Variants in NEK7 observed in about 807,000 individuals in gnomAD.
NEK7 encodes serine/threonine-protein kinase Nek7.
A neutral mutation model predicts 44.6 loss-of-function variants in NEK7; 18 were observed. The ratio of observed to expected loss-of-function variants is 0.40; its 90% CI spans 0.28 to 0.60. NEK7 has a LOEUF of 0.60. NEK7 is among the 20% of genes least tolerant of loss of function. The pLI is 0.38. For synonymous variants in NEK7, 130 were observed against 121.1 expected (o/e 1.07, Z -0.48); for missense variants, 256 against 366.5 (o/e 0.70, Z 2.46).
intron 1 of NEK7, among the ~76,000 whole-genome samples, chr1:198,167,547 G>A (rs1031207361): frequency 2.0e-5 from 3 of 152,036 alleles, no homozygotes; most frequent in African/African-American, 7.3e-5. Context: ...TCAACCAAAC[G>A]GTCCCTTGTT....
chr1:198,319,363 C>A, intron 9 of NEK7, 49 bp from the exon 10 acceptor site: 2 of 1,352,068 alleles, frequency 1.5e-6, no homozygotes, highest in South Asian at 1.3e-5. Flanking sequence ...AGTAAACTAA[C>A]CAAAAATAGT....
chr1:198,215,743 C>T (rs954620540), intron 1 of NEK7, among the ~76,000 whole-genome samples: 4 of 151,772 alleles, frequency 2.6e-5, no homozygotes, highest in South Asian at 2.1e-4. Context: ...AAACTAAAAG[C>T]GAGCAGGAAT....
intron 5 of NEK7, 61 bp downstream of exon 5, chr1:198,264,296 T>C (rs570418812): frequency 1.7e-6 from 2 of 1,186,790 alleles, no homozygotes; most frequent in Non-Finnish European, 2.5e-6. Context: ...TAGAATTGTC[T>C]GTTAAACACA....
intron 1 of NEK7, chr1:198,198,243 A>G (rs1665304514): frequency 1.7e-6 from 1 of 572,226 alleles, no homozygotes; most frequent in Admixed American, 3.0e-5. Context: ...CATTCTCCTC[A>G]GCTCAATACA....
chr1:198,310,519 A>G (rs1180392558), intron 9 of NEK7, among the ~76,000 whole-genome samples: 4 of 128,036 alleles, frequency 3.1e-5, no homozygotes, highest in African/African-American at 9.0e-5. Context: ...GTCCTTGCCC[A>G]TGGTATGTCC....
chr1:198,165,262 G>A (rs1664231441), intron 1 of NEK7, among the ~76,000 whole-genome samples: 5 of 152,238 alleles, frequency 3.3e-5, no homozygotes, highest in South Asian at 4.1e-4. Flanking sequence ...AATGACAATC[G>A]TTTTTAATGG....
At chr1:198,161,779 T>A (rs1170662753) in intron 1 of NEK7, among the ~76,000 whole-genome samples, 1 of 152,128 alleles carries the variant, frequency 6.6e-6, no homozygotes, top group Non-Finnish European at 1.5e-5. Context: ...TGCTTCTGAC[T>A]AAAGCGACAT....
intron 1 of NEK7, among the ~76,000 whole-genome samples, chr1:198,164,266 G>T (rs1664198716): frequency 6.6e-6 from 1 of 152,176 alleles, no homozygotes; most frequent in African/African-American, 2.4e-5. Context: ...CCAGTACCAG[G>T]CCCCCAAGGG....
intron 1 of NEK7, among the ~76,000 whole-genome samples, chr1:198,181,935 T>G (rs1296242281): frequency 1.3e-5 from 2 of 152,034 alleles, no homozygotes; most frequent in Non-Finnish European, 2.9e-5. Flanking sequence ...ATGAAATGAT[T>G]TCATTTGTTA....
intron 2 of NEK7, among the ~76,000 whole-genome samples, chr1:198,251,660 C>T (rs1043159884): frequency 1.6e-4 from 24 of 151,472 alleles, no homozygotes; most frequent in African/African-American, 3.4e-4. Context: ...AGTTTATTTG[C>T]GTAGAGGTGT....
intron 1 of NEK7, among the ~76,000 whole-genome samples, chr1:198,183,077 C>T (rs1278849922): frequency 6.6e-6 from 1 of 152,064 alleles, no homozygotes; most frequent in African/African-American, 2.4e-5. Flanking sequence ...GCCAGTTTGG[C>T]AGAAATAAGT....
At position 198,251,108 on chromosome 1, in the gene NEK7, A is replaced by T. The variant is rs563448554; in HGVS notation, c.58-1932A>T. Among the ~76,000 whole-genome samples, 270 of 151,838 alleles carry T rather than the reference A, an allele frequency of 1.8e-3. 2 individuals carry two copies. The highest frequency in any genetic ancestry group is 6.2e-3 in the African/African-American group (258 of 41,380). Reference sequence around the variant, plus strand: ...GCATGAAGCGTTGTTGAATTTTGTCAAAGGCCTTTTCTGCATCTATTGAGA... The same window carrying T: ...GCATGAAGCGTTGTTGAATTTTGTCTAAGGCCTTTTCTGCATCTATTGAGA... On this transcript the variant is annotated intron_variant, in intron 2 of 9. Transcript: ENST00000367385.
At chr1:198,205,820 C>T (rs1237095930) in intron 1 of NEK7, among the ~76,000 whole-genome samples, 1 of 151,968 alleles carries the variant, frequency 6.6e-6, no homozygotes, top group Non-Finnish European at 1.5e-5. Context: ...AAAAAGGCAG[C>T]TTACTGTAGC....
At chr1:198,316,535 G>A (rs1655373234) in intron 9 of NEK7, among the ~76,000 whole-genome samples, 1 of 152,170 alleles carries the variant, frequency 6.6e-6, no homozygotes, top group Non-Finnish European at 1.5e-5. Flanking sequence ...CCTCTGGGCA[G>A]CCACACTTAA....
At chr1:198,159,723 G>A (rs1664042377) in intron 1 of NEK7, among the ~76,000 whole-genome samples, 1 of 151,976 alleles carries the variant, frequency 6.6e-6, no homozygotes, top group Non-Finnish European at 1.5e-5. Flanking sequence ...GGACAATTTC[G>A]AGTTCATTTC....
chr1:198,198,082 G>A, intron 1 of NEK7: 1 of 1,442,154 alleles, frequency 6.9e-7, no homozygotes, highest in Non-Finnish European at 9.3e-7. Context: ...CTTGGGGAAA[G>A]GGTGGATTGA....
chr1:198,263,228 C>G (rs138353884), intron 4 of NEK7, among the ~76,000 whole-genome samples: 1 of 151,946 alleles, frequency 6.6e-6, no homozygotes, highest in Non-Finnish European at 1.5e-5. Context: ...GTTAAGACTT[C>G]GCTCTTTTTT....
intron 7 of NEK7, among the ~76,000 whole-genome samples, chr1:198,283,774 A>G (rs1415999778): frequency 2.6e-5 from 4 of 152,112 alleles, no homozygotes; most frequent in African/African-American, 4.8e-5. Context: ...TTTCTTGACA[A>G]TGATGGAACT....
intron 1 of NEK7, among the ~76,000 whole-genome samples, chr1:198,198,765 G>A (rs1365253944): frequency 6.6e-6 from 1 of 152,308 alleles, no homozygotes; most frequent in South Asian, 2.1e-4. Flanking sequence ...CACCTCAAAT[G>A]ATTCTCAGTT....
Sources: gnomAD v4.1 joint callset for allele counts (sites outside exome capture counted in the v4.1 genomes callset) on GRCh38, gnomAD v4.1.1 for gene constraint, MANE v1.5 for transcripts, NCBI Gene and HGNC (gene_info 2026-07-23, HGNC 2026-07-21) for gene names.